The following TEC variants were observed in gnomAD, a reference collection of about 807,000 sequenced individuals.
TEC encodes tec protein tyrosine kinase.
TEC carries 72 observed loss-of-function variants against 93.0 expected under a neutral mutation model. That is an observed-to-expected ratio of 0.77 (90% confidence interval 0.64 to 0.94). The LOEUF (loss-of-function observed/expected upper bound fraction) is 0.94. Among genes scored for constraint, TEC ranks in the 40% least tolerant of loss-of-function variants. The pLI is 0.00. For synonymous variants in TEC, 249 were observed against 247.7 expected (o/e 1.01, Z -0.05); for missense variants, 630 against 757.9 (o/e 0.83, Z 1.98).
intron 15 of TEC, 34 bp from the exon 16 acceptor site, chr4:48,139,056 G>A (rs752881065): frequency 1.1e-5 from 17 of 1,528,906 alleles, no homozygotes; most frequent in Non-Finnish European, 1.4e-5. Flanking sequence ...TTACACCTCT[G>A]AAGAACAATC....
intron 1 of TEC, among the ~76,000 whole-genome samples, chr4:48,259,076 T>A (rs529318322): frequency 3.9e-5 from 6 of 152,342 alleles, no homozygotes; most frequent in African/African-American, 1.4e-4. Context: ...ATACTTGCCC[T>A]TTGCCAAATA....
chr4:48,217,229 G>A (rs1453425270), intron 2 of TEC, among the ~76,000 whole-genome samples: 1 of 151,954 alleles, frequency 6.6e-6, no homozygotes, highest in Non-Finnish European at 1.5e-5. Context: ...TCAGCCTCCC[G>A]AGTAGTTGGG....
chr4:48,197,816 C>T (rs1722350960), intron 2 of TEC, among the ~76,000 whole-genome samples: 1 of 152,214 alleles, frequency 6.6e-6, no homozygotes, highest in African/African-American at 2.4e-5. Flanking sequence ...TTCCACACCA[C>T]ACCCAAATGG....
intron 2 of TEC, among the ~76,000 whole-genome samples, chr4:48,203,868 G>A (rs1458075567): frequency 5.9e-5 from 9 of 152,178 alleles, no homozygotes; most frequent in Admixed American, 6.5e-5. Flanking sequence ...AGAGGCACTC[G>A]CTTTACAGGC....
chr4:48,141,441 G>T (rs754175002), intron 14 of TEC, 22 bp from the exon 15 acceptor site: 30 of 1,607,658 alleles, frequency 1.9e-5, no homozygotes, highest in Middle Eastern at 1.6e-4. Context: ...CATTATGATG[G>T]TATATTAGTT....
intron 9 of TEC, chr4:48,155,770 A>G (rs1460707985): frequency 6.6e-6 from 1 of 152,232 alleles, no homozygotes; most frequent in Non-Finnish European, 1.5e-5. Flanking sequence ...ACAGTGCCCA[A>G]TAAACAGCTC....
chr4:48,215,618 A>C (rs942133084), intron 2 of TEC, among the ~76,000 whole-genome samples: 1 of 152,202 alleles, frequency 6.6e-6, no homozygotes, highest in African/African-American at 2.4e-5. Context: ...GCTAACCTAC[A>C]ATGTTCAGTA....
In TEC at chr4:48,220,824, C is replaced by A. The variant is rs546798330; in HGVS notation, c.138+7653G>T. Among the ~76,000 whole-genome samples the A allele has an allele frequency of 3.9e-4, 60 of 152,294 alleles. 1 individual carries two copies. The highest frequency in any genetic ancestry group is 1.4e-3 in the African/African-American group (59 of 41,564). On this transcript the variant is annotated intron_variant, in intron 2 of 17. Transcript: ENST00000381501. ...CAGCTCTCCAATTCTTGGCACACAC[C>A]AATTGAGTGTCCTACAATTTAACTC... is the stretch of plus-strand genomic sequence containing the variant.
At chr4:48,140,896 C>T (rs1294010683) in intron 15 of TEC, among the ~76,000 whole-genome samples, 1 of 152,066 alleles carries the variant, frequency 6.6e-6, no homozygotes, top group African/African-American at 2.4e-5. Context: ...AGGTCTTATT[C>T]TCTATATGGT....
At chr4:48,210,801 A>T (rs1722876550) in intron 2 of TEC, among the ~76,000 whole-genome samples, 1 of 152,236 alleles carries the variant, frequency 6.6e-6, no homozygotes, top group South Asian at 2.1e-4. Flanking sequence ...ATCACCTGTG[A>T]TTAGTGACCT....
In TEC at chr4:48,269,801, G is replaced by A. The variant is rs139036096; in HGVS notation, c.-95C>T. The A allele has an allele frequency of 6.6e-6, 1 of 152,334 alleles. No individual in the cohort carries two copies. The highest frequency in any genetic ancestry group is 2.4e-5 in the African/African-American group (1 of 41,564). The allele number at this position is 152,334 out of a possible 1,614,324, so 9.4% of individuals were successfully genotyped here. ...GGACCTGGGGAGACTGCGAGGTGCAGTCTGCGCCGCGGAGTCCGGAGCCTA... is the reference window on the plus strand; with the variant it reads ...GGACCTGGGGAGACTGCGAGGTGCAATCTGCGCCGCGGAGTCCGGAGCCTA... On this transcript the variant is annotated 5_prime_UTR_variant, in exon 1 of 18. Transcript: ENST00000381501.
chr4:48,225,731 AC>A (rs552280040), intron 2 of TEC, among the ~76,000 whole-genome samples: 279 of 144,310 alleles, frequency 1.9e-3, no homozygotes, highest in African/African-American at 6.2e-3. Context: ...TTTTTTTTTT[AC>A]TACTGACAAT....
intron 2 of TEC, among the ~76,000 whole-genome samples, chr4:48,196,862 A>G (rs1038493127): frequency 1.3e-5 from 2 of 152,206 alleles, no homozygotes; most frequent in Non-Finnish European, 2.9e-5. Context: ...TTGATGCTTC[A>G]TGTGACTCCA....
intron 9 of TEC, 112 bp from the exon 10 acceptor site, chr4:48,151,054 A>G (rs1196856557): frequency 4.3e-5 from 30 of 701,218 alleles, no homozygotes; most frequent in Non-Finnish European, 6.5e-5. Context: ...TCTTTCCCAG[A>G]AAAAAATGCT....
chr4:48,167,317 A>G (rs1720907936), intron 7 of TEC, among the ~76,000 whole-genome samples: 1 of 152,074 alleles, frequency 6.6e-6, no homozygotes, highest in Non-Finnish European at 1.5e-5. Flanking sequence ...ATTCCTCCAT[A>G]TATTCATGGA....
At chr4:48,142,122 T>C (rs1231208075) in intron 14 of TEC, among the ~76,000 whole-genome samples, 1 of 152,240 alleles carries the variant, frequency 6.6e-6, no homozygotes, top group Non-Finnish European at 1.5e-5. Context: ...ATCAAAATGA[T>C]GGGCGACCAA....
intron 2 of TEC, among the ~76,000 whole-genome samples, chr4:48,180,696 G>C (rs1721548479): frequency 6.6e-6 from 1 of 152,316 alleles, no homozygotes; most frequent in East Asian, 1.9e-4. Context: ...GCTTTAGGAG[G>C]CTTGTAGGGA....
Position 48,228,459 on chromosome 4 carries a change from A to T in TEC, c.138+18T>A. On this transcript the variant is annotated intron_variant, in intron 2 of 17. Transcript: ENST00000381501. ...ATCTACATAGAAAGCAGAAAAGTAA[A>T]TCGTGATTGTCTCTTACCTCTGCTC... The T allele has an allele frequency of 6.4e-7, 1 of 1,562,060 alleles. No individual in the cohort carries two copies. The highest frequency in any genetic ancestry group is 1.4e-5 in the African/African-American group (1 of 72,154).
At chr4:48,265,464 C>CGTATATAT (rs1724611953) in intron 1 of TEC, among the ~76,000 whole-genome samples, 1 of 142,306 alleles carries the variant, frequency 7.0e-6, no homozygotes, top group African/African-American at 2.6e-5. Context: ...TACATATATA[C>CGTATATAT]ACACACATAT....
Sources: allele counts gnomAD v4.1 joint callset (sites outside exome capture counted in the v4.1 genomes callset), GRCh38; gene constraint gnomAD v4.1.1; transcripts MANE v1.5; gene names NCBI Gene and HGNC (gene_info 2026-07-23, HGNC 2026-07-21).